Variants in ALCAM observed in about 807,000 individuals in gnomAD.
ALCAM encodes the protein CD166 antigen.
A neutral mutation model predicts 70.9 loss-of-function variants in ALCAM; 30 were observed. The ratio of observed to expected loss-of-function variants is 0.42; its 90% CI spans 0.32 to 0.57. ALCAM has a LOEUF of 0.57. ALCAM is among the 20% of genes least tolerant of loss of function. ALCAM has a pLI of 0.11. For synonymous variants in ALCAM, 249 were observed against 242.5 expected (o/e 1.03, Z -0.25); for missense variants, 591 against 695.1 (o/e 0.85, Z 1.68).
intron 14 of ALCAM, among the ~76,000 whole-genome samples, chr3:105,554,797 A>G (rs764380943): frequency 6.6e-5 from 10 of 151,884 alleles, no homozygotes; most frequent in Non-Finnish European, 1.2e-4. Context: ...TCCTCCCTTT[A>G]TAATCCATGA....
intron 1 of ALCAM, among the ~76,000 whole-genome samples, chr3:105,500,215 T>C (rs1415877607): frequency 1.6e-4 from 2 of 12,796 alleles, no homozygotes; most frequent in Non-Finnish European, 8.2e-4. Context: ...CCATACTTTC[T>C]TCATATTAAT....
chr3:105,392,199 T>C (rs1026380345), intron 1 of ALCAM, among the ~76,000 whole-genome samples: 4 of 151,992 alleles, frequency 2.6e-5, no homozygotes, highest in African/African-American at 7.2e-5. Context: ...CTTCTGGTCC[T>C]GGTCTTTTTT....
intron 1 of ALCAM, among the ~76,000 whole-genome samples, chr3:105,479,845 A>G (rs951762519): frequency 3.3e-5 from 5 of 152,148 alleles, no homozygotes; most frequent in Admixed American, 3.3e-4. Context: ...CCAATTACAC[A>G]TACTGTTTAT....
Position 105,524,671 on chromosome 3 carries a change from A to G in ALCAM, c.394+163A>G, listed in dbSNP as rs1049022624. On this transcript the variant is annotated intron_variant, in intron 3 of 15. Transcript: ENST00000306107. ...TTCTGCTCATATATACTATCAGCAAAGAAAACAAAGAGTATGAAATTCAAA... is the reference window on the plus strand; with the variant it reads ...TTCTGCTCATATATACTATCAGCAAGGAAAACAAAGAGTATGAAATTCAAA... 9 of 1,335,630 alleles carry G rather than the reference A, an allele frequency of 6.7e-6. No individual in the cohort carries two copies. In the Admixed American group the frequency reaches 2.0e-4, roughly 29 times the overall value. 82.7% of individuals were successfully genotyped at this position (1,335,630 alleles called of 1,614,324 possible). A position where few individuals can be genotyped will look rare whatever the true frequency, so the allele number is the denominator to read the frequency against.
chr3:105,534,624 A>G (rs1939923321), intron 5 of ALCAM, 39 bp from the exon 6 acceptor site: 1 of 1,588,110 alleles, frequency 6.3e-7, no homozygotes, highest in Non-Finnish European at 8.6e-7. Flanking sequence ...TGATTGTCAG[A>G]TGAAAGACCC....
intron 1 of ALCAM, among the ~76,000 whole-genome samples, chr3:105,493,311 A>G (rs1938641345): frequency 6.6e-6 from 1 of 152,146 alleles, no homozygotes; most frequent in Non-Finnish European, 1.5e-5. Context: ...AATGATGGTG[A>G]TAATAATAAT....
chr3:105,487,986 G>A (rs1938477648), intron 1 of ALCAM, among the ~76,000 whole-genome samples: 2 of 152,122 alleles, frequency 1.3e-5, no homozygotes, highest in South Asian at 4.1e-4. Flanking sequence ...CCCCATGGGA[G>A]GTGTTTGGGT....
At chr3:105,445,669 T>G (rs1008278950) in intron 1 of ALCAM, among the ~76,000 whole-genome samples, 2 of 152,058 alleles carry the variant, frequency 1.3e-5, no homozygotes, top group African/African-American at 4.8e-5. Context: ...AAGATATAAA[T>G]AAATTCATGC....
rs906669048 is a variant in ALCAM at position 105,575,421 on chromosome 3, T to C, written c.*970T>C. 2.6e-5 allele frequency: 4 copies of C among 152,596 alleles called. No individual in the cohort carries two copies. The highest frequency in any genetic ancestry group is 4.4e-5 in the Non-Finnish European group (3 of 68,028). 9.5% of individuals were successfully genotyped at this position (152,596 alleles called of 1,614,324 possible). A position where few individuals can be genotyped will look rare whatever the true frequency, so the allele number is the denominator to read the frequency against. Reference sequence around the variant, plus strand: ...GAATTGGAGTTTTTAACAGTGGTCATTATCAAAGCTGTGTTATTTTCCACA... The same window carrying C: ...GAATTGGAGTTTTTAACAGTGGTCACTATCAAAGCTGTGTTATTTTCCACA... On this transcript the variant is annotated 3_prime_UTR_variant, in exon 16 of 16. Coordinates refer to ENST00000306107, the MANE Select transcript of ALCAM (RefSeq NM_001627.4).
chr3:105,411,086 A>G (rs1968520), intron 1 of ALCAM, among the ~76,000 whole-genome samples: 150,473 of 152,204 alleles, frequency 0.99, 74,407 homozygotes, highest in Middle Eastern at 1. Flanking sequence ...GGTAATGGAA[A>G]AACATTAATG....
At chr3:105,533,194 C>T (rs1354121113) in intron 4 of ALCAM, among the ~76,000 whole-genome samples, 2 of 152,086 alleles carry the variant, frequency 1.3e-5, no homozygotes, top group Non-Finnish European at 2.9e-5. Context: ...TAGTATGAAA[C>T]TGGAGACACA....
Position 105,552,142 on chromosome 3 carries a change from A to G in ALCAM, c.1508-2A>G, listed in dbSNP as rs1249936676. Reference sequence around the variant, plus strand: ...ATTTCATATTAACATTTTTCATTTCAGTAAGTATTCCAGAACACGATGAGG... The same window carrying G: ...ATTTCATATTAACATTTTTCATTTCGGTAAGTATTCCAGAACACGATGAGG... On this transcript the variant is annotated splice_acceptor_variant, in intron 12 of 15. Transcript: ENST00000306107. LOFTEE classifies it high-confidence loss of function. The G allele has an allele frequency of 6.3e-7, 1 of 1,597,806 alleles. No individual in the cohort carries two copies. Among genetic ancestry groups the G allele is most frequent in the South Asian group, 1.1e-5 (1 of 88,052 alleles).
At chr3:105,488,966 T>C (rs1177001208) in intron 1 of ALCAM, among the ~76,000 whole-genome samples, 1 of 152,236 alleles carries the variant, frequency 6.6e-6, no homozygotes, top group Non-Finnish European at 1.5e-5. Context: ...AGTTGAATAA[T>C]GGATCCATTT....
chr3:105,543,268 TGGG>T (rs1334566970), intron 8 of ALCAM, among the ~76,000 whole-genome samples: 1 of 151,660 alleles, frequency 6.6e-6, no homozygotes, highest in Non-Finnish European at 1.5e-5. Context: ...TTGGCTGTGA[TGGG>T]GGAAAATTAA....
intron 1 of ALCAM, among the ~76,000 whole-genome samples, chr3:105,412,063 G>A (rs1936403596): frequency 6.6e-6 from 1 of 152,018 alleles, no homozygotes; most frequent in Admixed American, 6.6e-5. Context: ...TCCCCTAGAG[G>A]CATTTAATGT....
intron 1 of ALCAM, among the ~76,000 whole-genome samples, chr3:105,443,145 G>T (rs1206273393): frequency 6.6e-6 from 1 of 152,090 alleles, no homozygotes; most frequent in African/African-American, 2.4e-5. Flanking sequence ...TTTCTATTTT[G>T]GGTGCACCCT....
intron 4 of ALCAM, 85 bp downstream of exon 4, chr3:105,532,151 A>T: frequency 8.5e-7 from 1 of 1,171,404 alleles, no homozygotes. Flanking sequence ...ACAAGTAAGA[A>T]AGGCTTTGCT....
At chr3:105,476,814 T>C (rs1938126250) in intron 1 of ALCAM, among the ~76,000 whole-genome samples, 2 of 152,072 alleles carry the variant, frequency 1.3e-5, no homozygotes, top group Admixed American at 6.6e-5. Context: ...GTTTCAAATG[T>C]TGATATGGTT....
At chr3:105,425,898 G>A (rs960381503) in intron 1 of ALCAM, among the ~76,000 whole-genome samples, 1 of 151,568 alleles carries the variant, frequency 6.6e-6, no homozygotes, top group Non-Finnish European at 1.5e-5. Flanking sequence ...TTGGTGATTT[G>A]TTCCTCTCTT....
Sources: allele counts gnomAD v4.1 joint callset (sites outside exome capture counted in the v4.1 genomes callset), GRCh38; gene constraint gnomAD v4.1.1; transcripts MANE v1.5; gene names NCBI Gene and HGNC (gene_info 2026-07-23, HGNC 2026-07-21).